Variants in XKR6 observed in about 807,000 individuals in gnomAD.
XKR6 encodes XK related 6.
A neutral mutation model predicts 56.7 loss-of-function variants in XKR6; 22 were observed. The observed-to-expected ratio is 0.39, with a 90% CI of 0.28 to 0.55. The LOEUF (loss-of-function observed/expected upper bound fraction) is 0.55, where lower values mean the gene tolerates loss of function less well. Among genes scored for constraint, XKR6 ranks in the 20% least tolerant of loss-of-function variants. The pLI is 0.66. For synonymous variants in XKR6, 524 were observed against 387.8 expected (o/e 1.35, Z -4.13); for missense variants, 852 against 889.0 (o/e 0.96, Z 0.53).
At chr8:11,098,938 G>C (rs556909481) in intron 1 of XKR6, among the ~76,000 whole-genome samples, 1 of 152,126 alleles carries the variant, frequency 6.6e-6, no homozygotes, top group Non-Finnish European at 1.5e-5. Context: ...GTTCTGAATT[G>C]AGCTCATGTA....
chr8:11,105,852 G>C (rs1026178500), intron 1 of XKR6: 1 of 152,124 alleles, frequency 6.6e-6, no homozygotes, highest in African/African-American at 2.4e-5. Context: ...TTCATACATG[G>C]AACACAAACA....
At chr8:11,188,650 A>G (rs1345685001) in intron 1 of XKR6, among the ~76,000 whole-genome samples, 1 of 152,184 alleles carries the variant, frequency 6.6e-6, no homozygotes, top group Non-Finnish European at 1.5e-5. Context: ...TGTACAGTGT[A>G]GGGTGATTTA....
At chr8:11,074,083 G>A (rs888106216) in intron 1 of XKR6, among the ~76,000 whole-genome samples, 1 of 152,268 alleles carries the variant, frequency 6.6e-6, no homozygotes, top group African/African-American at 2.4e-5. Context: ...AGTTGCTGAA[G>A]GCTTTTGAGC....
intron 1 of XKR6, among the ~76,000 whole-genome samples, chr8:11,167,746 C>T (rs1802152686): frequency 6.6e-6 from 1 of 152,032 alleles, no homozygotes; most frequent in South Asian, 2.1e-4. Context: ...CAGCAAAGAG[C>T]CAACCTGCAA....
intron 1 of XKR6, among the ~76,000 whole-genome samples, chr8:11,046,471 C>A (rs557186051): frequency 7.2e-5 from 11 of 151,936 alleles, no homozygotes; most frequent in Non-Finnish European, 1.5e-4. Context: ...ATATTTGTAC[C>A]CTTTATATGA....
intron 2 of XKR6, among the ~76,000 whole-genome samples, chr8:10,899,808 T>A (rs1799984634): frequency 1.3e-5 from 2 of 152,320 alleles, no homozygotes; most frequent in African/African-American, 2.4e-5. Flanking sequence ...AGAGTTTGAG[T>A]GTGCCTAATC....
chr8:11,182,107 C>T (rs530347639), intron 1 of XKR6, among the ~76,000 whole-genome samples: 2 of 152,306 alleles, frequency 1.3e-5, no homozygotes, highest in South Asian at 4.1e-4. Flanking sequence ...CCAAAATAAA[C>T]ACTATTTACA....
At chr8:11,187,505 G>C (rs979590618) in intron 1 of XKR6, among the ~76,000 whole-genome samples, 14 of 152,166 alleles carry the variant, frequency 9.2e-5, no homozygotes, top group Non-Finnish European at 1.6e-4. Context: ...AATGACAACA[G>C]TATCATGGAG....
At chr8:11,130,280 T>TA (rs1800040572) in intron 1 of XKR6, among the ~76,000 whole-genome samples, 1 of 152,156 alleles carries the variant, frequency 6.6e-6, no homozygotes, top group Non-Finnish European at 1.5e-5. Flanking sequence ...AGCAAATAGT[T>TA]AAAATTCAGT....
At chr8:10,911,355 GTA>G (rs775272438) in intron 2 of XKR6, among the ~76,000 whole-genome samples, 2,389 of 119,096 alleles carry the variant, frequency 0.02, 61 homozygotes, top group African/African-American at 0.069. Context: ...GTGTGTGTGT[GTA>G]TATATATATA....
At position 11,180,285 on chromosome 8, in the gene XKR6, G is replaced by A. The variant is rs548842921; in HGVS notation, c.764+20291C>T. The stretch of plus-strand genomic sequence containing the variant: ...AGGTAACAAGAGAGCATAAAGAATG[G>A]CTGGAACCTGAACAAAGAACAGGGG... On this transcript the variant is annotated intron_variant, in intron 1 of 2. Coordinates refer to ENST00000416569, the MANE Select transcript of XKR6 (RefSeq NM_173683.4). 7.5e-4 allele frequency among the ~76,000 whole-genome samples: 115 copies of A among 152,338 alleles called. 1 individual carries two copies. In the Middle Eastern group the frequency reaches 0.01, roughly 14 times the overall value.
intron 1 of XKR6, among the ~76,000 whole-genome samples, chr8:10,949,931 G>A (rs1427090256): frequency 6.6e-6 from 1 of 152,124 alleles, no homozygotes; most frequent in Non-Finnish European, 1.5e-5. Flanking sequence ...GGGTCTGCAG[G>A]CTGTGCTCAC....
chr8:11,169,160 G>C (rs1303616288), intron 1 of XKR6, among the ~76,000 whole-genome samples: 1 of 151,936 alleles, frequency 6.6e-6, no homozygotes, highest in Non-Finnish European at 1.5e-5. Flanking sequence ...CCCAAATCTA[G>C]CCTCATAGTT....
chr8:11,038,982 C>A (rs1273868678), intron 1 of XKR6, among the ~76,000 whole-genome samples: 2 of 152,172 alleles, frequency 1.3e-5, no homozygotes, highest in Admixed American at 6.5e-5. Context: ...ACTCAGTTGT[C>A]GACGCCACCC....
chr8:10,999,115 T>C (rs73662665), intron 1 of XKR6, among the ~76,000 whole-genome samples: 6,803 of 152,332 alleles, frequency 0.045, 384 homozygotes, highest in African/African-American at 0.13. Context: ...GCTGCCTTAT[T>C]CTTTCAAATC....
intron 1 of XKR6, among the ~76,000 whole-genome samples, chr8:11,182,835 A>C (rs1245036268): frequency 6.6e-6 from 1 of 152,174 alleles, no homozygotes; most frequent in African/African-American, 2.4e-5. Context: ...TTATCTTGTA[A>C]AACTGGAACT....
At chr8:11,199,161 G>C (rs1563214978) in intron 1 of XKR6, among the ~76,000 whole-genome samples, 2 of 152,128 alleles carry the variant, frequency 1.3e-5, no homozygotes, top group East Asian at 3.8e-4. Context: ...TAGAAAAAAA[G>C]CTGTTTGGTT....
chr8:11,009,505 G>A (rs890497780), intron 1 of XKR6, among the ~76,000 whole-genome samples: 3 of 152,100 alleles, frequency 2.0e-5, no homozygotes, highest in Non-Finnish European at 4.4e-5. Flanking sequence ...GTGAGATCCT[G>A]TCTCAAAAAA....
intron 1 of XKR6, among the ~76,000 whole-genome samples, chr8:11,115,899 A>G (rs1048260587): frequency 1.3e-5 from 2 of 152,224 alleles, no homozygotes; most frequent in African/African-American, 2.4e-5. Context: ...ACTAAATTTA[A>G]TATCTTGACA....
Sources: allele counts gnomAD v4.1 joint callset (sites outside exome capture counted in the v4.1 genomes callset), GRCh38; gene constraint gnomAD v4.1.1; transcripts MANE v1.5; gene names NCBI Gene and HGNC (gene_info 2026-07-23, HGNC 2026-07-21).